Variants in USP16 observed in about 807,000 individuals in gnomAD.
USP16 encodes ubiquitin specific peptidase 16.
Under a neutral mutation model 95.9 loss-of-function variants are expected in USP16, and 77 were observed. The observed-to-expected ratio is 0.80, with a 90% confidence interval of 0.67 to 0.97. USP16 has a LOEUF of 0.97. USP16 is among the 50% of genes least tolerant of loss of function. The pLI is 0.00. For missense variants in USP16, 943 were observed against 959.9 expected (o/e 0.98, Z 0.23); for synonymous variants, 303 against 318.2 (o/e 0.95, Z 0.51).
At chr21:29,038,503 C>T in intron 7 of USP16, 73 bp downstream of exon 7, 1 of 1,110,626 alleles carries the variant, frequency 9.0e-7, no homozygotes, top group Non-Finnish European at 1.3e-6. Context: ...TTTTAAATAA[C>T]TGACACTCAT....
At position 29,054,059 on chromosome 21, in the gene USP16, A is replaced by G; in HGVS notation, c.2351-7A>G. On this transcript the variant is annotated splice_polypyrimidine_tract_variant and splice_region_variant and intron_variant, in intron 17 of 17. Transcript: ENST00000399976. The stretch of plus-strand genomic sequence containing the variant: ...TTTATGTTTGATTTTTCATTTTCTC[A>G]TGACAGATTTTGAAATGGAATCAAA... 1 of 1,614,158 alleles carries G rather than the reference A, an allele frequency of 6.2e-7. No homozygotes were observed. The highest frequency in any genetic ancestry group is 8.5e-7 in the Non-Finnish European group (1 of 1,179,984).
At chr21:29,052,472 C>T (rs2085430487) in intron 16 of USP16, 1 of 152,198 alleles carries the variant, frequency 6.6e-6, no homozygotes, top group Non-Finnish European at 1.5e-5. Flanking sequence ...AAACCATCAG[C>T]TCTCATGAGG....
rs1045478388 is a variant in USP16, at chr21:29,054,250, TAAAA to T, written c.*67_*70del. 9.8e-6 allele frequency: 15 copies of T among 1,532,818 alleles called. No individual in the cohort carries two copies. In the African/African-American group the frequency reaches 1.9e-4, roughly 20 times the overall value. 95.0% of individuals were successfully genotyped at this position (1,532,818 alleles called of 1,614,324 possible). The stretch of plus-strand genomic sequence containing the variant: ...GCTTTTATAATGGCTGAAATAACGA[TAAAA>T]AAAGACTAATTAAAATCATGTTCAC... On this transcript the variant is annotated 3_prime_UTR_variant, in exon 18 of 18. Coordinates refer to ENST00000399976, the MANE Select transcript of USP16 (RefSeq NM_006447.3).
chr21:29,054,027 CT>C lies in USP16; in HGVS notation c.2351-36del, dbSNP rs749208098. The C allele has an allele frequency of 3.1e-6, 5 of 1,613,586 alleles. No individual in the cohort carries two copies. The South Asian group carries it at 4.4e-5, about 14-fold the overall frequency. On this transcript the variant is annotated intron_variant, in intron 17 of 17. Transcript: ENST00000399976. ...AAACCAAAAAGTAATCAACTTGAATCTTTCCATTTATGTTTGATTTTTCATT... is the reference window on the plus strand; with the variant it reads ...AAACCAAAAAGTAATCAACTTGAATCTTCCATTTATGTTTGATTTTTCATT...
rs944173493 is a variant in USP16, at chr21:29,047,960, G to A, written c.2011+639G>A. 2.7e-5 allele frequency among the ~76,000 whole-genome samples: 4 copies of A among 150,264 alleles called. No homozygotes were observed. The East Asian group carries it at 7.7e-4, about 29-fold the overall frequency. The stretch of plus-strand genomic sequence containing the variant: ...TGTGTGTGTATGTATATATATATAT[G>A]TGTGTGTATGTATATATATATAAGC... On this transcript the variant is annotated intron_variant, in intron 14 of 17. Transcript: ENST00000399976.
intron 16 of USP16, among the ~76,000 whole-genome samples, chr21:29,051,182 A>G (rs1192280625): frequency 6.6e-6 from 1 of 152,142 alleles, no homozygotes; most frequent in East Asian, 1.9e-4. Context: ...TTGAGATAGG[A>G]TATATAGGGA....
At chr21:29,040,742 G>A (rs2085231896) in intron 10 of USP16, 55 bp downstream of exon 10, 2 of 907,512 alleles carry the variant, frequency 2.2e-6, no homozygotes, top group East Asian at 5.7e-5. Context: ...CTGTACCTTA[G>A]GACAAGATTG....
chr21:29,042,673 A>G (rs2085262774), intron 12 of USP16, 145 bp downstream of exon 12: 2 of 628,602 alleles, frequency 3.2e-6, no homozygotes. Context: ...GCATTTTAGG[A>G]TTTGAATAAA....
chr21:29,047,731 T>C (rs1176134774), intron 14 of USP16, among the ~76,000 whole-genome samples: 2 of 151,634 alleles, frequency 1.3e-5, no homozygotes, highest in African/African-American at 2.4e-5. Context: ...CTTCCTCAAA[T>C]GGGAGAAAGG....
chr21:29,024,772 C>T lies in USP16; in HGVS notation c.-47C>T. On this transcript the variant is annotated 5_prime_UTR_variant, in exon 1 of 18. Coordinates refer to ENST00000399976, the MANE Select transcript of USP16 (RefSeq NM_006447.3). ...GGGGATGCAGTTATGGGCTCTGTCG[C>T]CGTGGGTGAGTTCTGGTCCCACTGC... 1.6e-6 allele frequency: 2 copies of T among 1,287,854 alleles called. No homozygotes were observed. Among genetic ancestry groups the T allele is most frequent in the South Asian group, 1.2e-5 (1 of 80,944 alleles). 79.8% of individuals were successfully genotyped at this position (1,287,854 alleles called of 1,614,324 possible). A position where few individuals can be genotyped will look rare whatever the true frequency, so the allele number is the denominator to read the frequency against.
chr21:29,050,280 T>TAA (rs2085395012), intron 16 of USP16, 102 bp downstream of exon 16: 1 of 942,440 alleles, frequency 1.1e-6, no homozygotes, highest in African/African-American at 1.7e-5. Context: ...TGATAACACT[T>TAA]ATTGAGTAGA....
chr21:29,042,610 A>G, intron 12 of USP16, 82 bp downstream of exon 12: 1 of 1,255,488 alleles, frequency 8.0e-7, no homozygotes. Context: ...TACTCTTTTT[A>G]AGTTTGTATA....
intron 3 of USP16, among the ~76,000 whole-genome samples, chr21:29,032,183 A>C (rs1470327505): frequency 6.6e-6 from 1 of 152,170 alleles, no homozygotes; most frequent in Non-Finnish European, 1.5e-5. Flanking sequence ...TTCATCAAAA[A>C]TGTTATGTAA....
intron 6 of USP16, 67 bp from the exon 7 acceptor site, chr21:29,038,268 T>A: frequency 9.3e-7 from 1 of 1,076,252 alleles, no homozygotes; most frequent in Admixed American, 2.0e-5. Context: ...GAATAGACAC[T>A]TAAGAAGTGT....
At chr21:29,035,314 A>T (rs534449271) in intron 4 of USP16, among the ~76,000 whole-genome samples, 1 of 152,272 alleles carries the variant, frequency 6.6e-6, no homozygotes, top group East Asian at 1.9e-4. Flanking sequence ...CTGCATTGTA[A>T]CATCATTAAA....
chr21:29,045,537 G>A (rs962727778), intron 13 of USP16, among the ~76,000 whole-genome samples: 2 of 151,744 alleles, frequency 1.3e-5, no homozygotes, highest in African/African-American at 4.8e-5. Context: ...TCCTGTACTT[G>A]TGCATCCTTG....
At chr21:29,027,838 T>G (rs757811437) in intron 1 of USP16, 35 bp from the exon 2 acceptor site, 1 of 1,493,898 alleles carries the variant, frequency 6.7e-7, no homozygotes, top group Admixed American at 1.7e-5. Context: ...ACATACTTTT[T>G]TTTTTGGTCA....
At chr21:29,036,054 T>TACTC (rs2085151526) in intron 4 of USP16, among the ~76,000 whole-genome samples, 1 of 152,378 alleles carries the variant, frequency 6.6e-6, no homozygotes, top group Non-Finnish European at 1.5e-5. Flanking sequence ...GAGTATTTCA[T>TACTC]CATACTACTT....
intron 11 of USP16, 83 bp from the exon 12 acceptor site, chr21:29,042,389 C>A: frequency 7.4e-7 from 1 of 1,348,864 alleles, no homozygotes; most frequent in Non-Finnish European, 1.0e-6. Flanking sequence ...TCCCCTACTC[C>A]CCATCCCACA....
Sources: allele counts gnomAD v4.1 joint callset (sites outside exome capture counted in the v4.1 genomes callset), GRCh38; gene constraint gnomAD v4.1.1; transcripts MANE v1.5; gene names NCBI Gene and HGNC (gene_info 2026-07-23, HGNC 2026-07-21).